ANKRD12: variants seen among roughly 807,000 people sequenced by gnomAD.
ANKRD12 encodes the protein ankyrin repeat domain 12.
A neutral mutation model predicts 183.4 loss-of-function variants in ANKRD12; 85 were observed. That is an observed-to-expected ratio of 0.46 (90% CI 0.39 to 0.56). The LOEUF (loss-of-function observed/expected upper bound fraction) is 0.56, where lower values mean the gene tolerates loss of function less well. Among genes scored for constraint, ANKRD12 ranks in the 20% least tolerant of loss-of-function variants. ANKRD12 has a pLI of 0.00. For synonymous variants in ANKRD12, 914 were observed against 800.2 expected, an observed-to-expected ratio of 1.14 and a Z score of -2.40; for missense variants, 2,405 against 2,357.1, an observed-to-expected ratio of 1.02 and a Z score of -0.42.
At chr18:9,172,615 C>T (rs375425980) in intron 1 of ANKRD12, among the ~76,000 whole-genome samples, 25 of 152,256 alleles carry the variant, frequency 1.6e-4, no homozygotes, top group African/African-American at 5.8e-4. Flanking sequence ...TGCTTAGAAG[C>T]TCCTCCATTT....
chr18:9,173,887 A>G (rs1032681144), intron 1 of ANKRD12, among the ~76,000 whole-genome samples: 12 of 152,168 alleles, frequency 7.9e-5, no homozygotes, highest in African/African-American at 2.9e-4. Flanking sequence ...GTATAAAAAA[A>G]TAATAAGAAG....
chr18:9,178,772 T>G (rs1467098227), intron 1 of ANKRD12, among the ~76,000 whole-genome samples: 1 of 152,198 alleles, frequency 6.6e-6, no homozygotes, highest in African/African-American at 2.4e-5. Context: ...TTGCATCTTC[T>G]GATTCATGAG....
At chr18:9,159,632 G>A (rs1295059046) in intron 1 of ANKRD12, among the ~76,000 whole-genome samples, 3 of 150,592 alleles carry the variant, frequency 2.0e-5, no homozygotes, top group African/African-American at 7.3e-5. Flanking sequence ...GTAGAGACAG[G>A]GTTTCGCCGT....
chr18:9,196,150 CAT>C (rs1555618075), intron 3 of ANKRD12, among the ~76,000 whole-genome samples: 1 of 131,118 alleles, frequency 7.6e-6, no homozygotes. Context: ...CACACACACA[CAT>C]TGAGGCTAAC....
At chr18:9,209,479 T>A (rs758436643) in intron 5 of ANKRD12, among the ~76,000 whole-genome samples, 2 of 152,204 alleles carry the variant, frequency 1.3e-5, no homozygotes, top group Non-Finnish European at 2.9e-5. Context: ...TTGAAATGCA[T>A]TGAAAAAGAT....
intron 7 of ANKRD12, among the ~76,000 whole-genome samples, chr18:9,220,072 A>G (rs145062889): frequency 5.9e-5 from 9 of 152,340 alleles, no homozygotes; most frequent in African/African-American, 2.2e-4. Flanking sequence ...TTTATACATT[A>G]TTACATTTCA....
chr18:9,152,905 T>C (rs1008627628), intron 1 of ANKRD12, among the ~76,000 whole-genome samples: 5 of 152,230 alleles, frequency 3.3e-5, no homozygotes, highest in African/African-American at 1.2e-4. Flanking sequence ...TTCTTTTACA[T>C]ATTTGTCCTT....
At chr18:9,165,488 T>C (rs2031942532) in intron 1 of ANKRD12, among the ~76,000 whole-genome samples, 1 of 152,182 alleles carries the variant, frequency 6.6e-6, no homozygotes, top group African/African-American at 2.4e-5. Flanking sequence ...TGAAACTTCA[T>C]ACCAATTGAA....
At chr18:9,163,834 G>A (rs1371110500) in intron 1 of ANKRD12, among the ~76,000 whole-genome samples, 1 of 152,028 alleles carries the variant, frequency 6.6e-6, no homozygotes, top group Admixed American at 6.6e-5. Context: ...CTGCTTGCCT[G>A]TTGTTGCTGT....
Position 9,249,001 on chromosome 18 carries a change from C to T in ANKRD12, c.944-5210C>T, listed in dbSNP as rs73394168. On this transcript the variant is annotated intron_variant, in intron 8 of 12. Transcript: ENST00000262126. Reference sequence around the variant, plus strand: ...TTTGTATCTCTTTCTACACTTCTCTCTTATCCCACCATAAGCACCCCCACT... The same window carrying T: ...TTTGTATCTCTTTCTACACTTCTCTTTTATCCCACCATAAGCACCCCCACT... Among the ~76,000 whole-genome samples, 608 of 152,314 alleles carry T rather than the reference C, an allele frequency of 4.0e-3. 2 individuals are homozygous for T. Among genetic ancestry groups the T allele is most frequent in the African/African-American group, 0.014 (565 of 41,564 alleles).
At chr18:9,217,971 A>T (rs2036204790) in intron 7 of ANKRD12, among the ~76,000 whole-genome samples, 2 of 152,208 alleles carry the variant, frequency 1.3e-5, no homozygotes, top group Admixed American at 1.3e-4. Context: ...AGGCCTGACA[A>T]CATGTAGGGT....
chr18:9,232,508 T>G (rs1479181439), intron 8 of ANKRD12, among the ~76,000 whole-genome samples: 1 of 152,180 alleles, frequency 6.6e-6, no homozygotes, highest in Admixed American at 6.5e-5. Flanking sequence ...GGGGGAGGCC[T>G]CTCTGTAGGT....
intron 1 of ANKRD12, among the ~76,000 whole-genome samples, chr18:9,152,924 T>C (rs1180993683): frequency 6.6e-6 from 1 of 152,006 alleles, no homozygotes; most frequent in Non-Finnish European, 1.5e-5. Context: ...TTTTTCTTTT[T>C]GTATGAAATA....
chr18:9,190,004 T>C (rs2034353481), intron 2 of ANKRD12, among the ~76,000 whole-genome samples: 1 of 152,240 alleles, frequency 6.6e-6, no homozygotes, highest in South Asian at 2.1e-4. Flanking sequence ...GTGATTCCTC[T>C]GATGGATTTG....
At chr18:9,262,854 A>G (rs1189785416) in intron 9 of ANKRD12, among the ~76,000 whole-genome samples, 2 of 121,012 alleles carry the variant, frequency 1.7e-5, no homozygotes, top group South Asian at 2.8e-4. Flanking sequence ...GCTGGAATGC[A>G]GTGGCATGAT....
chr18:9,156,354 G>A (rs1025410540), intron 1 of ANKRD12, among the ~76,000 whole-genome samples: 5 of 152,008 alleles, frequency 3.3e-5, no homozygotes, highest in African/African-American at 1.2e-4. Context: ...TGAGGAGGGA[G>A]TAAAATTAGT....
chr18:9,273,715 G>C (rs189102462), intron 10 of ANKRD12, among the ~76,000 whole-genome samples: 1 of 152,306 alleles, frequency 6.6e-6, no homozygotes, highest in East Asian at 1.9e-4. Flanking sequence ...TAGCCTCAAA[G>C]TGTGAACAGC....
In ANKRD12 at chr18:9,257,545, A is replaced by G. The variant is rs2038710875; in HGVS notation, c.4278A>G (p.Leu1426=). Residue 1426 remains leucine (L), a synonymous_variant, in exon 9 of 13, where the codon CTA becomes CTG. Coordinates refer to ENST00000262126, the MANE Select transcript of ANKRD12 (RefSeq NM_015208.5). ...NKSWEMPVDR[L]ETLSTRDFIC... Reference sequence around the variant, plus strand: ...CATGGGAGATGCCTGTTGATAGACTAGAGACATTAAGCACCAGAGACTTTA... The same window carrying G: ...CATGGGAGATGCCTGTTGATAGACTGGAGACATTAAGCACCAGAGACTTTA... 1.2e-6 allele frequency: 2 copies of G among 1,614,006 alleles called. No individual in the cohort carries two copies. The highest frequency in any genetic ancestry group is 1.3e-5 in the African/African-American group (1 of 74,930).
At chr18:9,138,553 C>T (rs1050601091) in intron 1 of ANKRD12, among the ~76,000 whole-genome samples, 3 of 152,090 alleles carry the variant, frequency 2.0e-5, no homozygotes, top group African/African-American at 7.2e-5. Context: ...AACAAAAAAA[C>T]ATATGCTCAA....
Sources: gnomAD v4.1 joint callset for allele counts (sites outside exome capture counted in the v4.1 genomes callset) on GRCh38, gnomAD v4.1.1 for gene constraint, MANE v1.5 for transcripts, NCBI Gene and HGNC (gene_info 2026-07-23, HGNC 2026-07-21) for gene names.